SMYD3: variants seen among roughly 807,000 people sequenced by gnomAD.
The protein encoded by SMYD3 is SET and MYND domain containing 3, also known as histone-lysine N-methyltransferase SMYD3.
Under a neutral mutation model 57.7 loss-of-function variants are expected in SMYD3, and 36 were observed. The observed-to-expected ratio is 0.62, with a 90% CI of 0.48 to 0.82. SMYD3 has a LOEUF of 0.82. SMYD3 is among the 40% of genes least tolerant of loss of function. SMYD3 has a pLI of 0.00. For missense variants in SMYD3, 515 were observed against 538.8 expected (o/e 0.96, Z 0.44); for synonymous variants, 211 against 195.0 (o/e 1.08, Z -0.68).
At chr1:246,382,970 C>A (rs1487540126) in intron 1 of SMYD3, among the ~76,000 whole-genome samples, 2 of 152,132 alleles carry the variant, frequency 1.3e-5, no homozygotes, top group Admixed American at 6.5e-5. Context: ...TCAACAGACT[C>A]ACCCAGTGGA....
rs572255506 is a variant in SMYD3, at chr1:246,083,394, CAT to C, written c.532-153459_532-153458del. ...TTTATGATGCAGAGACATTTGTTCACATGTTTTCCTGCAGACCCTCTCCCCAC... is the reference window on the plus strand; with the variant it reads ...TTTATGATGCAGAGACATTTGTTCACGTTTTCCTGCAGACCCTCTCCCCAC... On this transcript the variant is annotated intron_variant, in intron 5 of 11. Transcript: ENST00000490107. 8.2e-3 allele frequency among the ~76,000 whole-genome samples: 1,251 copies of C among 152,284 alleles called. 20 individuals are homozygous for C. Among genetic ancestry groups the C allele is most frequent in the African/African-American group, 0.029 (1,196 of 41,552 alleles).
chr1:246,011,411 A>G (rs12130890), intron 5 of SMYD3, among the ~76,000 whole-genome samples: 9 of 152,242 alleles, frequency 5.9e-5, no homozygotes, highest in Non-Finnish European at 1.3e-4. Flanking sequence ...ATGGTTTAGC[A>G]TGGTCAGAAA....
rs1245040969 is a variant in SMYD3 at position 245,817,366 on chromosome 1, G to T, written c.1076+41130C>A. Among the ~76,000 whole-genome samples the T allele has an allele frequency of 1.6e-4, 23 of 146,556 alleles. 1 individual carries two copies. The highest frequency in any genetic ancestry group is 3.0e-5 in the Non-Finnish European group (2 of 66,838). The stretch of plus-strand genomic sequence containing the variant: ...CTGTTAGAAGGAAAACTAACAAACA[G>T]AAAGCACATCCACACCAAAAACCCA... On this transcript the variant is annotated intron_variant, in intron 10 of 11. Coordinates refer to ENST00000490107, the MANE Select transcript of SMYD3 (RefSeq NM_001167740.2).
intron 5 of SMYD3, among the ~76,000 whole-genome samples, chr1:245,990,798 C>T (rs984319882): frequency 4.3e-4 from 65 of 152,320 alleles, no homozygotes; most frequent in African/African-American, 1.3e-3. Context: ...TTTGGACCTA[C>T]AGAGCTGTAA....
intron 5 of SMYD3, among the ~76,000 whole-genome samples, chr1:245,940,868 C>T (rs79844336): frequency 6.6e-6 from 1 of 152,194 alleles, no homozygotes; most frequent in Non-Finnish European, 1.5e-5. Flanking sequence ...ACGAACTTCA[C>T]TGAGTTAAAG....
At chr1:246,476,667 CTT>C (rs1455182317) in intron 1 of SMYD3, among the ~76,000 whole-genome samples, 1 of 152,176 alleles carries the variant, frequency 6.6e-6, no homozygotes, top group East Asian at 1.9e-4. Flanking sequence ...TATATGAAGA[CTT>C]TCAATTTACA....
intron 4 of SMYD3, 135 bp downstream of exon 4, chr1:246,330,345 A>G (rs1361639484): frequency 1.6e-6 from 1 of 613,516 alleles, no homozygotes; most frequent in Non-Finnish European, 2.7e-6. Flanking sequence ...TGACAGTTGT[A>G]TATAAAAATA....
chr1:246,051,564 A>G (rs1270889980), intron 5 of SMYD3, among the ~76,000 whole-genome samples: 1 of 152,146 alleles, frequency 6.6e-6, no homozygotes, highest in Non-Finnish European at 1.5e-5. Flanking sequence ...CCGTTTTCCA[A>G]TCAATTTATA....
intron 1 of SMYD3, among the ~76,000 whole-genome samples, chr1:246,426,530 G>A (rs1186641689): frequency 6.6e-6 from 1 of 152,018 alleles, no homozygotes; most frequent in South Asian, 2.1e-4. Context: ...TTTTATGTCC[G>A]GCTTCTTTCA....
intron 1 of SMYD3, among the ~76,000 whole-genome samples, chr1:246,462,947 G>A (rs1423127038): frequency 6.6e-6 from 1 of 152,118 alleles, no homozygotes; most frequent in Non-Finnish European, 1.5e-5. Context: ...TGACATCCAG[G>A]TGAGAAACTG....
intron 1 of SMYD3, among the ~76,000 whole-genome samples, chr1:246,433,319 C>T (rs2067324646): frequency 6.6e-6 from 1 of 152,146 alleles, no homozygotes; most frequent in African/African-American, 2.4e-5. Flanking sequence ...AGAGATGTCA[C>T]AAACAAGTGG....
rs552677209 is a variant in SMYD3, at chr1:246,170,094, G to A, written c.531+157107C>T. Reference sequence around the variant, plus strand: ...AGAAAATACAGAAAACACAGAATAAGGAAAAAAGAGAATGTGACATAGTAC... The same window carrying A: ...AGAAAATACAGAAAACACAGAATAAAGAAAAAAGAGAATGTGACATAGTAC... On this transcript the variant is annotated intron_variant, in intron 5 of 11. Transcript: ENST00000490107. 1.6e-3 allele frequency among the ~76,000 whole-genome samples: 246 copies of A among 151,864 alleles called. 1 individual carries two copies. The highest frequency in any genetic ancestry group is 5.5e-3 in the African/African-American group (228 of 41,444).
At chr1:246,074,794 G>A (rs1466613573) in intron 5 of SMYD3, among the ~76,000 whole-genome samples, 1 of 152,128 alleles carries the variant, frequency 6.6e-6, no homozygotes, top group Non-Finnish European at 1.5e-5. Flanking sequence ...ATGCATTGAG[G>A]AGAGGCCCAG....
At chr1:246,332,017 TC>T (rs2065469832) in intron 3 of SMYD3, among the ~76,000 whole-genome samples, 1 of 152,200 alleles carries the variant, frequency 6.6e-6, no homozygotes, top group Non-Finnish European at 1.5e-5. Flanking sequence ...TTCCCTCTCC[TC>T]AGGCCTCTGT....
intron 5 of SMYD3, among the ~76,000 whole-genome samples, chr1:246,185,651 T>G (rs1209230792): frequency 6.6e-6 from 1 of 152,028 alleles, no homozygotes; most frequent in Non-Finnish European, 1.5e-5. Context: ...TTAGTAGACA[T>G]GGGGTTTCAC....
At chr1:246,264,184 T>C (rs1159992187) in intron 5 of SMYD3, among the ~76,000 whole-genome samples, 1 of 152,224 alleles carries the variant, frequency 6.6e-6, no homozygotes. Context: ...GTTTATTCTA[T>C]CACTTGGGAC....
In SMYD3 at chr1:245,855,408, C is replaced by A. The variant is rs2051191175; in HGVS notation, c.1076+3088G>T. Among the ~76,000 whole-genome samples, 6 of 152,258 alleles carry A rather than the reference C, an allele frequency of 3.9e-5. No individual in the cohort carries two copies. In the South Asian group the frequency reaches 1.2e-3, roughly 32 times the overall value. Reference sequence around the variant, plus strand: ...GTTAGTCTGGAGACATCACCATAATCTGTAACCATCTTTAATAGGAAAATG... The same window carrying A: ...GTTAGTCTGGAGACATCACCATAATATGTAACCATCTTTAATAGGAAAATG... On this transcript the variant is annotated intron_variant, in intron 10 of 11. Transcript: ENST00000490107.
chr1:246,237,905 C>T (rs2063537059), intron 5 of SMYD3, among the ~76,000 whole-genome samples: 1 of 152,100 alleles, frequency 6.6e-6, no homozygotes, highest in Admixed American at 6.5e-5. Context: ...GATTAAATTA[C>T]CCTTTAAATG....
At chr1:245,928,906 A>C (rs2056554741) in intron 6 of SMYD3, among the ~76,000 whole-genome samples, 1 of 152,202 alleles carries the variant, frequency 6.6e-6, no homozygotes, top group Admixed American at 6.5e-5. Flanking sequence ...CCTTGGAGGG[A>C]CATTTCTTAC....
Sources: allele counts gnomAD v4.1 joint callset (sites outside exome capture counted in the v4.1 genomes callset), GRCh38; gene constraint gnomAD v4.1.1; transcripts MANE v1.5; gene names NCBI Gene and HGNC (gene_info 2026-07-23, HGNC 2026-07-21).